Variants in SCML2 observed in about 807,000 individuals in gnomAD.
The protein encoded by SCML2 is Scm polycomb group protein like 2.
SCML2 carries 6 observed loss-of-function variants against 48.4 expected under a neutral mutation model. The observed-to-expected ratio is 0.12, with a 90% confidence interval of 0.07 to 0.24. The LOEUF (loss-of-function observed/expected upper bound fraction) is 0.24. SCML2 is among the 10% of genes least tolerant of loss of function. The pLI is 1.00. For missense variants in SCML2, 377 were observed against 528.2 expected (o/e 0.71, Z 2.81); for synonymous variants, 181 against 189.5 (o/e 0.95, Z 0.37).
In SCML2 at chrX:18,264,431, TTGTGTGTGTGTGTGTGTGTGTGTG is replaced by T. The variant is rs149069692; in HGVS notation, c.948+1130_948+1153del. On this transcript the variant is annotated intron_variant, in intron 8 of 14. Transcript: ENST00000251900. ...AAGATGGTCTTTTTAATCAGTACGA[TTGTGTGTGTGTGTGTGTGTGTGTG>T]TGTGTGTGTGTGTGTGTGTGTGTGT... is the stretch of plus-strand genomic sequence containing the variant. Among the ~76,000 whole-genome samples, 21 of 83,922 alleles carry T rather than the reference TTGTGTGTGTGTGTGTGTGTGTGTG, an allele frequency of 2.5e-4. 1 individual carries two copies. Among genetic ancestry groups the T allele is most frequent in the Admixed American group, 2.4e-3 (17 of 7,094 alleles). The allele number at this position is 83,922 out of a possible 115,157, so 72.9% of individuals were successfully genotyped here.
intron 10 of SCML2, among the ~76,000 whole-genome samples, 162 bp from the exon 11 acceptor site, chrX:18,257,192 C>T (rs1926879371): frequency 8.9e-6 from 1 of 112,152 alleles, no homozygotes. Context: ...TCCTCTCAAA[C>T]ACAATAGCCT....
chrX:18,321,302 C>A (rs1250709394), intron 5 of SCML2, among the ~76,000 whole-genome samples: 3 of 111,311 alleles, frequency 2.7e-5, no homozygotes, highest in Non-Finnish European at 1.9e-5. Flanking sequence ...AATGGCTTCA[C>A]AGCATCTGGC....
intron 7 of SCML2, among the ~76,000 whole-genome samples, chrX:18,299,512 C>T (rs1277693302): frequency 4.8e-5 from 5 of 104,572 alleles, no homozygotes; most frequent in Non-Finnish European, 7.8e-5. Flanking sequence ...AGTGAGACTC[C>T]GTCTCAAAAA....
chrX:18,265,629 T>G lies in SCML2; in HGVS notation c.904A>C (p.Lys302Gln), dbSNP rs756916503. The G allele has an allele frequency of 1.7e-6, 2 of 1,209,814 alleles. 1 individual carries two copies. The highest frequency in any genetic ancestry group is 3.5e-5 in the African/African-American group (2 of 57,303). ...TAVPKRSSSVKNITPRKKGPN... is the reference protein window; with the variant it reads ...TAVPKRSSSVQNITPRKKGPN... Reference sequence around the variant, plus strand: ...CCTTTTTTCCTTGGTGTGATATTTTTAACAGAACTGCTCCTTTTGGGGACT... The same window carrying G: ...CCTTTTTTCCTTGGTGTGATATTTTGAACAGAACTGCTCCTTTTGGGGACT... Residue 302 changes from lysine (K) to glutamine (Q), a missense_variant, in exon 8 of 15, where the codon AAA becomes CAA. Physicochemically the swap from Lys to Gln is moderately conservative, Grantham distance 53. Coordinates refer to ENST00000251900, the MANE Select transcript of SCML2 (RefSeq NM_006089.3).
chrX:18,306,798 T>C (rs758687595), intron 6 of SCML2, among the ~76,000 whole-genome samples: 2 of 111,061 alleles, frequency 1.8e-5, no homozygotes, highest in Non-Finnish European at 3.8e-5. Flanking sequence ...CCTTAATTAT[T>C]AGCTTCCAAA....
intron 7 of SCML2, among the ~76,000 whole-genome samples, chrX:18,267,533 A>G (rs1927294688): frequency 9.1e-6 from 1 of 110,401 alleles, no homozygotes; most frequent in Admixed American, 9.6e-5. Context: ...CAGAAACTAA[A>G]TATCTCACGC....
chrX:18,313,217 C>T (rs1415612114), intron 6 of SCML2, among the ~76,000 whole-genome samples: 1 of 110,934 alleles, frequency 9.0e-6, no homozygotes, highest in African/African-American at 3.3e-5. Flanking sequence ...TGGCTGTGTC[C>T]CCAACCAAAT....
chrX:18,342,625 T>C (rs746534543), intron 1 of SCML2, among the ~76,000 whole-genome samples: 2 of 109,896 alleles, frequency 1.8e-5, no homozygotes, highest in South Asian at 4.0e-4. Context: ...GGCAGTAGAA[T>C]TGCTTGAACC....
Position 18,310,729 on chromosome X carries a change from G to T in SCML2, c.487-5514C>A, listed in dbSNP as rs1211459096. 2.4e-4 allele frequency among the ~76,000 whole-genome samples: 27 copies of T among 111,027 alleles called. No individual in the cohort carries two copies. In the Admixed American group the frequency reaches 2.6e-3, roughly 11 times the overall value. ...GCCTTCCAAGTAGCTGAGACTACAG[G>T]AACGTGCCACCACATCCAGCTTTTA... On this transcript the variant is annotated intron_variant, in intron 6 of 14. Transcript: ENST00000251900.
At chrX:18,343,947 GAAAGAAAAGA>G (rs1179634998) in intron 1 of SCML2, among the ~76,000 whole-genome samples, 6 of 90,159 alleles carry the variant, frequency 6.7e-5, no homozygotes, top group African/African-American at 1.2e-4. Flanking sequence ...AAAAAAGAAA[GAAAGAAAAGA>G]AAAGAAAAGA....
At chrX:18,328,682 T>G (rs1277118683) in intron 3 of SCML2, among the ~76,000 whole-genome samples, 1 of 111,523 alleles carries the variant, frequency 9.0e-6, no homozygotes, top group African/African-American at 3.3e-5. Flanking sequence ...AATCAGTCAG[T>G]CAATAAAAGA....
intron 6 of SCML2, among the ~76,000 whole-genome samples, chrX:18,315,955 G>A (rs1452691613): frequency 1.8e-5 from 2 of 109,994 alleles, no homozygotes; most frequent in African/African-American, 6.6e-5. Context: ...GTCTGCCCAA[G>A]GAGCAGTGGT....
In SCML2 at chrX:18,267,590, G is replaced by GTTT. The variant is rs766175364; in HGVS notation, c.731-1791_731-1789dup. 2.4e-3 allele frequency among the ~76,000 whole-genome samples: 245 copies of GTTT among 100,536 alleles called. 1 individual carries two copies. The highest frequency in any genetic ancestry group is 0.016 in the Middle Eastern group (3 of 186). The allele number at this position is 100,536 out of a possible 115,157, so 87.3% of individuals were successfully genotyped here. On this transcript the variant is annotated intron_variant, in intron 7 of 14. Transcript: ENST00000251900. ...CTGTCGTACATTCTTTTTTGTTTGG[G>GTTT]TTTTTTTTTTTTTGAGACGGAGTCT...
intron 7 of SCML2, among the ~76,000 whole-genome samples, chrX:18,304,321 C>T (rs970945097): frequency 2.7e-5 from 3 of 112,025 alleles, no homozygotes; most frequent in Non-Finnish European, 5.6e-5. Flanking sequence ...CATATCTAAG[C>T]CCTTGAAAGA....
At chrX:18,326,048 C>T (rs1229745696) in intron 3 of SCML2, among the ~76,000 whole-genome samples, 1 of 111,997 alleles carries the variant, frequency 8.9e-6, no homozygotes, top group East Asian at 2.8e-4. Context: ...TGCAGATTTC[C>T]GTGATGTAAA....
intron 10 of SCML2, 75 bp downstream of exon 10, chrX:18,257,969 G>A (rs1602082668): frequency 2.6e-6 from 1 of 381,506 alleles, no homozygotes; most frequent in African/African-American, 4.8e-5. Context: ...AAGGGAAGGG[G>A]GAAGGGAAGG....
intron 1 of SCML2, among the ~76,000 whole-genome samples, chrX:18,353,244 G>GA (rs1438337912): frequency 9.0e-6 from 1 of 111,178 alleles, no homozygotes; most frequent in Non-Finnish European, 1.9e-5. Flanking sequence ...CGTCATTATT[G>GA]AAAAACATTT....
intron 7 of SCML2, among the ~76,000 whole-genome samples, chrX:18,283,515 A>G (rs1198273032): frequency 8.9e-6 from 1 of 112,475 alleles, no homozygotes; most frequent in Non-Finnish European, 1.9e-5. Flanking sequence ...TTCAGTGATG[A>G]TATGTTCTAT....
intron 7 of SCML2, among the ~76,000 whole-genome samples, chrX:18,288,418 T>A (rs1301449595): frequency 9.0e-6 from 1 of 111,387 alleles, no homozygotes; most frequent in East Asian, 2.8e-4. Context: ...CAAACTTGAC[T>A]TACAATAGGA....
Sources: allele counts gnomAD v4.1 joint callset (sites outside exome capture counted in the v4.1 genomes callset), GRCh38; gene constraint gnomAD v4.1.1; transcripts MANE v1.5; gene names NCBI Gene and HGNC (gene_info 2026-07-23, HGNC 2026-07-21).